The following SLC4A10 variants were observed in gnomAD, a reference collection of about 807,000 sequenced individuals.
SLC4A10 encodes sodium-driven chloride bicarbonate exchanger.
Under a neutral mutation model 137.7 loss-of-function variants are expected in SLC4A10, and 42 were observed. The ratio of observed to expected loss-of-function variants is 0.30; its 90% CI spans 0.24 to 0.39. The LOEUF is 0.39. SLC4A10 is among the 10% of genes least tolerant of loss of function. SLC4A10 has a pLI of 1.00. For missense variants in SLC4A10, 925 were observed against 1,355.0 expected, an observed-to-expected ratio of 0.68 and a Z score of 4.98; for synonymous variants, 474 against 464.1, an observed-to-expected ratio of 1.02 and a Z score of -0.27.
At chr2:161,628,181 A>G (rs904687364) in intron 1 of SLC4A10, among the ~76,000 whole-genome samples, 9 of 152,074 alleles carry the variant, frequency 5.9e-5, no homozygotes, top group East Asian at 1.9e-4. Flanking sequence ...TAACCTAACA[A>G]TTTAAAAATT....
intron 11 of SLC4A10, among the ~76,000 whole-genome samples, chr2:161,898,330 C>A (rs1191871154): frequency 6.6e-6 from 1 of 152,080 alleles, no homozygotes; most frequent in African/African-American, 2.4e-5. Context: ...TTGTGGCTAT[C>A]ATATTAGACA....
chr2:161,876,183 A>G (rs2061438806), intron 8 of SLC4A10, among the ~76,000 whole-genome samples: 1 of 152,152 alleles, frequency 6.6e-6, no homozygotes, highest in Admixed American at 6.6e-5. Context: ...AGAAGAGTAT[A>G]GCTCGATTTC....
chr2:161,919,265 G>A (rs1016668874), intron 15 of SLC4A10, among the ~76,000 whole-genome samples: 1 of 152,144 alleles, frequency 6.6e-6, no homozygotes, highest in Admixed American at 6.5e-5. Context: ...AACAGCCTGG[G>A]CACAATGAAT....
At chr2:161,719,319 T>C (rs1006872086) in intron 1 of SLC4A10, among the ~76,000 whole-genome samples, 1 of 152,180 alleles carries the variant, frequency 6.6e-6, no homozygotes, top group African/African-American at 2.4e-5. Context: ...GACATTTGGG[T>C]TGGTTCCAAG....
chr2:161,865,734 T>G (rs1035633878), intron 6 of SLC4A10, among the ~76,000 whole-genome samples: 2 of 152,042 alleles, frequency 1.3e-5, no homozygotes, highest in Non-Finnish European at 2.9e-5. Context: ...CTAAGGTTCT[T>G]AATCTACTTA....
intron 1 of SLC4A10, among the ~76,000 whole-genome samples, chr2:161,648,086 A>C (rs2036299421): frequency 6.6e-6 from 1 of 152,214 alleles, no homozygotes; most frequent in South Asian, 2.1e-4. Context: ...CATTATTTTC[A>C]AGAAAAAATT....
At chr2:161,657,997 T>C (rs897811648) in intron 1 of SLC4A10, among the ~76,000 whole-genome samples, 1 of 152,198 alleles carries the variant, frequency 6.6e-6, no homozygotes, top group African/African-American at 2.4e-5. Flanking sequence ...ATTTTACTTG[T>C]TAATAGCAGG....
chr2:161,983,551 C>T lies in SLC4A10; in HGVS notation c.*399C>T, dbSNP rs1231546481. The T allele has an allele frequency of 4.2e-6, 1 of 239,126 alleles. No homozygotes were observed. Among genetic ancestry groups the T allele is most frequent in the Non-Finnish European group, 8.0e-6 (1 of 125,764 alleles). 14.8% of individuals were successfully genotyped at this position (239,126 alleles called of 1,614,324 possible). A position where few individuals can be genotyped will look rare whatever the true frequency, so the allele number is the denominator to read the frequency against. Reference sequence around the variant, plus strand: ...TCCTTAAAGAGATAAGTCATATTTACCTAGTTTGTATTTTCCTACTTTAGT... The same window carrying T: ...TCCTTAAAGAGATAAGTCATATTTATCTAGTTTGTATTTTCCTACTTTAGT... On this transcript the variant is annotated 3_prime_UTR_variant, in exon 27 of 27. Transcript: ENST00000446997.
chr2:161,858,998 A>G (rs956236373), intron 5 of SLC4A10, among the ~76,000 whole-genome samples: 1 of 152,184 alleles, frequency 6.6e-6, no homozygotes, highest in Non-Finnish European at 1.5e-5. Flanking sequence ...CATCTTTAGT[A>G]CACACATCCC....
intron 1 of SLC4A10, chr2:161,708,619 T>C: frequency 2.2e-6 from 3 of 1,394,362 alleles, no homozygotes; most frequent in African/African-American, 1.5e-5. Context: ...AAATAGTATA[T>C]GTGATTTGAT....
intron 19 of SLC4A10, among the ~76,000 whole-genome samples, chr2:161,954,543 G>A (rs1459466776): frequency 1.3e-5 from 2 of 152,128 alleles, no homozygotes; most frequent in African/African-American, 4.8e-5. Flanking sequence ...CTTCTCTTTG[G>A]CTGGCATGCC....
chr2:161,644,354 G>T (rs1005763433), intron 1 of SLC4A10, among the ~76,000 whole-genome samples: 1 of 151,972 alleles, frequency 6.6e-6, no homozygotes, highest in African/African-American at 2.4e-5. Context: ...AAATTAGCCG[G>T]GCGTGGTGGT....
At chr2:161,792,221 A>G (rs1026306158) in intron 2 of SLC4A10, among the ~76,000 whole-genome samples, 2 of 152,176 alleles carry the variant, frequency 1.3e-5, no homozygotes, top group Non-Finnish European at 2.9e-5. Context: ...ACCAATCACT[A>G]TTTCAGAGAA....
chr2:161,700,182 A>G (rs1465983015), intron 1 of SLC4A10, among the ~76,000 whole-genome samples: 2 of 152,188 alleles, frequency 1.3e-5, no homozygotes, highest in Non-Finnish European at 2.9e-5. Context: ...GATTGGAAAG[A>G]TCTGTCAGGA....
At chr2:161,718,337 C>G (rs1027400335) in intron 1 of SLC4A10, among the ~76,000 whole-genome samples, 1 of 151,922 alleles carries the variant, frequency 6.6e-6, no homozygotes, top group African/African-American at 2.4e-5. Context: ...CTTCTGCTAG[C>G]TTTGGGGTTT....
chr2:161,967,431 C>T (rs906484059), intron 23 of SLC4A10, among the ~76,000 whole-genome samples: 2 of 152,148 alleles, frequency 1.3e-5, no homozygotes, highest in Admixed American at 6.5e-5. Flanking sequence ...AATAAAAATT[C>T]ATCAAGTATA....
At chr2:161,898,009 ACCCT>A (rs2063695470) in intron 11 of SLC4A10, among the ~76,000 whole-genome samples, 1 of 152,130 alleles carries the variant, frequency 6.6e-6, no homozygotes, top group South Asian at 2.1e-4. Flanking sequence ...ATTTTATGAC[ACCCT>A]TTAAAATCGA....
At chr2:161,644,573 GA>G (rs2035768888) in intron 1 of SLC4A10, among the ~76,000 whole-genome samples, 1 of 152,132 alleles carries the variant, frequency 6.6e-6, no homozygotes, top group Non-Finnish European at 1.5e-5. Context: ...TCTGTTTTTA[GA>G]TTGACTCTAT....
intron 1 of SLC4A10, among the ~76,000 whole-genome samples, chr2:161,670,976 T>A (rs2039636242): frequency 6.6e-6 from 1 of 152,154 alleles, no homozygotes; most frequent in South Asian, 2.1e-4. Flanking sequence ...CCCATTTTAA[T>A]ATTTCTTCGT....
Sources: gnomAD v4.1 joint callset for allele counts (sites outside exome capture counted in the v4.1 genomes callset) on GRCh38, gnomAD v4.1.1 for gene constraint, MANE v1.5 for transcripts, NCBI Gene and HGNC (gene_info 2026-07-23, HGNC 2026-07-21) for gene names.